Variants in FREM2 observed in about 807,000 individuals in gnomAD.
FREM2 encodes FRAS1-related extracellular matrix protein 2.
FREM2 carries 119 observed loss-of-function variants against 219.9 expected under a neutral mutation model. That is an observed-to-expected ratio of 0.54 (90% CI 0.47 to 0.63). The LOEUF (loss-of-function observed/expected upper bound fraction) is 0.63. Ranked by LOEUF, FREM2 falls within the 30% of genes least tolerant of loss-of-function variation. FREM2 has a pLI of 0.00. For synonymous variants in FREM2, 1,562 were observed against 1,522.8 expected (o/e 1.03, Z -0.60); for missense variants, 4,030 against 3,993.6 (o/e 1.01, Z -0.25).
intron 2 of FREM2, among the ~76,000 whole-genome samples, chr13:38,710,056 G>A (rs1189118965): frequency 1.4e-5 from 2 of 147,398 alleles, no homozygotes; most frequent in Non-Finnish European, 3.0e-5. Context: ...GGGCGTGATG[G>A]CACATACCTG....
At chr13:38,830,155 T>C (rs910514727) in intron 6 of FREM2, among the ~76,000 whole-genome samples, 2 of 152,098 alleles carry the variant, frequency 1.3e-5, no homozygotes, top group Admixed American at 6.6e-5. Flanking sequence ...AAATATATCA[T>C]ACAAGAGTAC....
At position 38,690,988 on chromosome 13, in the gene FREM2, C is replaced by T. The variant is rs368570563; in HGVS notation, c.3644C>T (p.Ala1215Val). The T allele has an allele frequency of 1.1e-5, 18 of 1,613,932 alleles. No individual in the cohort carries two copies. In the African/African-American group the frequency reaches 2.4e-4, roughly 22 times the overall value. ...SLVIDTPILN[A>V]ADADVPLDDL... ...GTAATTGATACACCCATTCTCAATG[C>T]TGCTGATGCTGATGTTCCCCTGGAT... is the stretch of plus-strand genomic sequence containing the variant. The change falls in exon 1 of 24, where the codon GCT becomes GTT. Residue 1215 changes from alanine to valine, a missense_variant. Ala to Val is a moderately conservative substitution (Grantham distance 64, BLOSUM62 0). Coordinates refer to ENST00000280481, the MANE Select transcript of FREM2 (RefSeq NM_207361.6).
chr13:38,691,204 CTG>C lies in FREM2; in HGVS notation c.3863_3864del (p.Val1288GlyfsTer12). ...ATTAAACTAACAGATGGGAAGCACT[CTG>C]TGGAAAAGACGGTCCTCATTATAGT... On this transcript the variant is annotated frameshift_variant, in exon 1 of 24. Transcript: ENST00000280481. LOFTEE classifies it high-confidence loss of function. The C allele has an allele frequency of 6.2e-7, 1 of 1,613,970 alleles. No homozygotes were observed. Among genetic ancestry groups the C allele is most frequent in the Non-Finnish European group, 8.5e-7 (1 of 1,179,978 alleles).
chr13:38,757,207 C>A (rs774528680), intron 2 of FREM2, among the ~76,000 whole-genome samples: 4 of 152,098 alleles, frequency 2.6e-5, no homozygotes, highest in African/African-American at 9.7e-5. Context: ...ACATTATATA[C>A]CTGGGATGGG....
intron 3 of FREM2, among the ~76,000 whole-genome samples, chr13:38,765,576 T>C (rs1249168751): frequency 1.3e-5 from 2 of 152,024 alleles, no homozygotes; most frequent in Non-Finnish European, 2.9e-5. Context: ...TACACACCCC[T>C]GCCACCCCCA....
rs566162410 is a variant in FREM2, at chr13:38,778,397, G to A, written c.5642-4673G>A. On this transcript the variant is annotated intron_variant, in intron 4 of 23. Coordinates refer to ENST00000280481, the MANE Select transcript of FREM2 (RefSeq NM_207361.6). ...TTCAAAAGACGTTTCCTTGGTGCATGCTCATGGAGAGAAAAATACCTCTGT... is the reference window on the plus strand; with the variant it reads ...TTCAAAAGACGTTTCCTTGGTGCATACTCATGGAGAGAAAAATACCTCTGT... 6.7e-4 allele frequency among the ~76,000 whole-genome samples: 102 copies of A among 152,260 alleles called. No homozygotes were observed. In the Middle Eastern group the frequency reaches 0.014, roughly 20 times the overall value.
Position 38,688,917 on chromosome 13 carries a change from G to T in FREM2, c.1573G>T (p.Asp525Tyr). 1 of 1,612,896 alleles carries T rather than the reference G, an allele frequency of 6.2e-7. No individual in the cohort carries two copies. Among genetic ancestry groups the T allele is most frequent in the Non-Finnish European group, 8.5e-7 (1 of 1,179,386 alleles). Residue 525 changes from aspartate (D) to tyrosine (Y), a missense_variant, in exon 1 of 24, where the codon GAC (aspartate) becomes TAC (tyrosine). By Grantham distance (160) the Asp-to-Tyr change is radical. Around this residue, in one of 2 missense-constraint regions of FREM2, gnomAD observed 3,102 missense variants for 2,950.7 expected, o/e 1.05. Coordinates refer to ENST00000280481, the MANE Select transcript of FREM2 (RefSeq NM_207361.6). ...GGTGGTCTACCAGCATGATGACAGA[G>T]ACGGCTCGCTGAGCGACAACCTGGT... is the stretch of plus-strand genomic sequence containing the variant. ...GQVVYQHDDR[D>Y]GSLSDNLVLR... is the part of the protein sequence containing the mutation.
intron 11 of FREM2, among the ~76,000 whole-genome samples, chr13:38,855,829 A>G (rs1485375317): frequency 6.6e-6 from 1 of 152,160 alleles, no homozygotes; most frequent in Non-Finnish European, 1.5e-5. Flanking sequence ...TCACCACTCA[A>G]GAACTTATTC....
chr13:38,705,698 C>T (rs914991065), intron 2 of FREM2, among the ~76,000 whole-genome samples: 37 of 152,256 alleles, frequency 2.4e-4, no homozygotes, highest in African/African-American at 7.7e-4. Context: ...ATCATTCATG[C>T]GGCACAGTTC....
Position 38,859,449 on chromosome 13 carries a change from A to G in FREM2, c.7378A>G (p.Thr2460Ala), listed in dbSNP as rs749526912. 1.4e-5 allele frequency: 23 copies of G among 1,613,992 alleles called. No individual in the cohort carries two copies. The Admixed American group carries it at 3.5e-4, about 25-fold the overall frequency. ...MREVDFDTFF[T>A]SSKMVTLDSI... ...AGAAGTGGACTTCGACACCTTTTTT[A>G]CGTCATCCAAGATGGTCACACTGGA... is the stretch of plus-strand genomic sequence containing the variant. Residue 2460 changes from threonine to alanine, a missense_variant, in exon 14 of 24, where the codon ACG becomes GCG. Around this residue, in one of 2 missense-constraint regions of FREM2, gnomAD observed 928 missense variants for 1,042.9 expected, o/e 0.89. Coordinates refer to ENST00000280481, the MANE Select transcript of FREM2 (RefSeq NM_207361.6).
At chr13:38,695,097 A>G (rs1319567507) in intron 1 of FREM2, among the ~76,000 whole-genome samples, 2 of 152,200 alleles carry the variant, frequency 1.3e-5, no homozygotes, top group African/African-American at 2.4e-5. Flanking sequence ...ATTCTTAGAT[A>G]TTTGCTTTAA....
In FREM2 at chr13:38,783,125, G is replaced by A. The variant is rs748019670; in HGVS notation, c.5697G>A (p.Glu1899=). Residue 1899 remains glutamate, a synonymous_variant, in exon 5 of 24, where the codon GAG becomes GAA. Transcript: ENST00000280481. The part of the protein sequence containing the change: ...SKYSVEEDVG[E]LFIPIRRSGD... ...ACTCCGTTGAAGAAGATGTTGGTGA[G>A]CTGTTCATTCCCATCAGGAGGAGCG... 13 of 1,613,888 alleles carry A rather than the reference G, an allele frequency of 8.1e-6. No homozygotes were observed. The African/African-American group carries it at 1.5e-4, about 18-fold the overall frequency.
rs1873629055 is a variant in FREM2, at chr13:38,770,745, C to T, written c.5641+937C>T. 4.2e-5 allele frequency among the ~76,000 whole-genome samples: 6 copies of T among 143,598 alleles called. No homozygotes were observed. The Admixed American group carries it at 4.4e-4, about 10-fold the overall frequency. 94.2% of individuals were successfully genotyped at this position (143,598 alleles called of 152,430 possible). ...GATTACATTTTCTTGTCAATGCACA[C>T]CTTGGCTGATGCTGGTAAAAGTGAA... is the stretch of plus-strand genomic sequence containing the variant. On this transcript the variant is annotated intron_variant, in intron 4 of 23. Coordinates refer to ENST00000280481, the MANE Select transcript of FREM2 (RefSeq NM_207361.6).
chr13:38,757,690 G>A (rs902532494), intron 2 of FREM2, among the ~76,000 whole-genome samples: 2 of 151,838 alleles, frequency 1.3e-5, no homozygotes, highest in African/African-American at 4.8e-5. Flanking sequence ...CACCTCCCAG[G>A]TTCAAGCAAT....
chr13:38,824,148 T>C (rs1876179048), intron 6 of FREM2, among the ~76,000 whole-genome samples: 1 of 151,954 alleles, frequency 6.6e-6, no homozygotes, highest in Non-Finnish European at 1.5e-5. Flanking sequence ...GTGGGAAAGA[T>C]ATGTTATGAT....
rs1487040307 is a variant in FREM2 at position 38,687,114 on chromosome 13, G to A, written c.-231G>A. 2 of 594,348 alleles carry A rather than the reference G, an allele frequency of 3.4e-6. No homozygotes were observed. The highest frequency in any genetic ancestry group is 5.9e-6 in the Non-Finnish European group (2 of 336,468). The allele number at this position is 594,348 out of a possible 1,614,324, so 36.8% of individuals were successfully genotyped here. On this transcript the variant is annotated 5_prime_UTR_variant, in exon 1 of 24. Transcript: ENST00000280481. ...ATTCAATTCTCCGCGCGATTGAGGC[G>A]CTAGCGGCGGAGCTGGACGGCCTGG...
At chr13:38,802,450 TCC>T (rs1326888752) in intron 6 of FREM2, among the ~76,000 whole-genome samples, 1 of 150,622 alleles carries the variant, frequency 6.6e-6, no homozygotes, top group Non-Finnish European at 1.5e-5. Flanking sequence ...TTTCAGGATA[TCC>T]CCACCTGTGG....
At position 38,784,632 on chromosome 13, in the gene FREM2, G is replaced by C; in HGVS notation, c.5843G>C (p.Ser1948Thr). 1.3e-5 allele frequency: 21 copies of C among 1,614,184 alleles called. No homozygotes were observed. Among genetic ancestry groups the C allele is most frequent in the Non-Finnish European group, 1.8e-5 (21 of 1,180,010 alleles). Residue 1948 changes from serine (S) to threonine (T), a missense_variant, in exon 6 of 24, where the codon AGT becomes ACT. Physicochemically the swap from Ser to Thr is moderately conservative, Grantham distance 58. Around this residue, in one of 2 missense-constraint regions of FREM2, gnomAD observed 3,102 missense variants for 2,950.7 expected, o/e 1.05. Transcript: ENST00000280481. Reference protein sequence around the residue: ...DYISRPEDHTSVVRFDKDERE... With the variant: ...DYISRPEDHTTVVRFDKDERE... ...ATATCCAGGCCTGAGGACCACACCAGTGTTGTCCGCTTTGACAAAGATGAA... is the reference window on the plus strand; with the variant it reads ...ATATCCAGGCCTGAGGACCACACCACTGTTGTCCGCTTTGACAAAGATGAA...
chr13:38,733,368 A>G (rs969961031), intron 2 of FREM2, among the ~76,000 whole-genome samples: 8 of 150,600 alleles, frequency 5.3e-5, no homozygotes, highest in East Asian at 4.0e-4. Context: ...GAAGTGAGGG[A>G]TCATAGAAAA....
Sources: gnomAD v4.1 joint callset for allele counts (sites outside exome capture counted in the v4.1 genomes callset) on GRCh38, gnomAD v4.1.1 for gene constraint, gnomAD v4.1.1 regional missense constraint, MANE v1.5 for transcripts, NCBI Gene and HGNC (gene_info 2026-07-23, HGNC 2026-07-21) for gene names.